The following MOSMO variants were observed in gnomAD, a reference collection of about 807,000 sequenced individuals.
MOSMO encodes the protein modulator of smoothened protein.
MOSMO carries 5 observed loss-of-function variants against 18.4 expected under a neutral mutation model. That is an observed-to-expected ratio of 0.27 (90% CI 0.14 to 0.57). The LOEUF is 0.57. Among genes scored for constraint, MOSMO ranks in the 20% least tolerant of loss-of-function variants. The probability of loss-of-function intolerance (pLI) is 0.92; values close to 1 mark genes in which losing one functional copy is unlikely to be tolerated. For missense variants in MOSMO, 138 were observed against 211.8 expected (o/e 0.65, Z 2.16); for synonymous variants, 82 against 82.3 (o/e 1.00, Z 0.02).
chr16:22,078,082 A>G (rs940406069), intron 2 of MOSMO, among the ~76,000 whole-genome samples: 3 of 152,072 alleles, frequency 2.0e-5, no homozygotes, highest in African/African-American at 4.8e-5. Flanking sequence ...TATGGGGGCA[A>G]GAGAAACCAA....
intron 1 of MOSMO, among the ~76,000 whole-genome samples, chr16:22,030,503 A>C (rs1338795577): frequency 6.6e-6 from 1 of 152,136 alleles, no homozygotes; most frequent in Non-Finnish European, 1.5e-5. Context: ...TCACAATTAA[A>C]TATTTCCAGC....
chr16:22,008,745 TAAA>T (rs71151659), intron 1 of MOSMO, among the ~76,000 whole-genome samples: 125 of 132,130 alleles, frequency 9.5e-4, no homozygotes, highest in South Asian at 1.7e-3. Context: ...CGTTCTGGAT[TAAA>T]AAAAAAAAAA....
intron 1 of MOSMO, among the ~76,000 whole-genome samples, chr16:22,047,933 T>A (rs1179724992): frequency 6.6e-6 from 1 of 152,150 alleles, no homozygotes; most frequent in African/African-American, 2.4e-5. Flanking sequence ...GTACTACCAG[T>A]TGGTTAGAAA....
At chr16:22,047,628 T>C (rs1047289849) in intron 1 of MOSMO, among the ~76,000 whole-genome samples, 2 of 152,216 alleles carry the variant, frequency 1.3e-5, no homozygotes, top group African/African-American at 4.8e-5. Flanking sequence ...AACATCTTTG[T>C]ACCTGTTTCT....
intron 2 of MOSMO, chr16:22,075,944 AG>A: frequency 2.5e-6 from 1 of 393,918 alleles, no homozygotes; most frequent in Non-Finnish European, 4.8e-6. Flanking sequence ...ATTTTTGCTC[AG>A]ATTGTGACAT....
rs946703514 is a variant in MOSMO, at chr16:22,073,555, T to TG, written c.107-1932_107-1931insG. Among the ~76,000 whole-genome samples, 9 of 151,920 alleles carry TG rather than the reference T, an allele frequency of 5.9e-5. 1 individual carries two copies. The highest frequency in any genetic ancestry group is 8.8e-5 in the Non-Finnish European group (6 of 67,990). On this transcript the variant is annotated intron_variant, in intron 1 of 2. Transcript: ENST00000542527. ...AAGACACTCCCTCAAGTTTTTTTTT[T>TG]TTTGTTTTCAAGGAGACTTTTTAGT...
At chr16:22,009,836 A>AAAAAAAG (rs1899485456) in intron 1 of MOSMO, among the ~76,000 whole-genome samples, 2 of 121,342 alleles carry the variant, frequency 1.6e-5, no homozygotes, top group South Asian at 2.9e-4. Flanking sequence ...AAAAAAAAAA[A>AAAAAAAG]AGAGAATTAG....
intron 1 of MOSMO, among the ~76,000 whole-genome samples, chr16:22,050,032 G>A (rs966723063): frequency 6.6e-6 from 1 of 152,174 alleles, no homozygotes; most frequent in Admixed American, 6.5e-5. Context: ...CTCTGTGGAA[G>A]TATCATTTCA....
At chr16:22,050,889 A>G (rs1227279490) in intron 1 of MOSMO, among the ~76,000 whole-genome samples, 1 of 142,166 alleles carries the variant, frequency 7.0e-6, no homozygotes, top group Non-Finnish European at 1.6e-5. Context: ...TCTCTTAAGA[A>G]AAAAAAAAAA....
At chr16:22,025,968 C>T (rs1433447173) in intron 1 of MOSMO, among the ~76,000 whole-genome samples, 1 of 152,118 alleles carries the variant, frequency 6.6e-6, no homozygotes, top group East Asian at 1.9e-4. Context: ...ATTTGAACCC[C>T]CTTTTTTCAA....
chr16:22,028,336 C>A (rs1899919124), intron 1 of MOSMO, among the ~76,000 whole-genome samples: 1 of 149,922 alleles, frequency 6.7e-6, no homozygotes, highest in Non-Finnish European at 1.5e-5. Context: ...GCTACTGGAC[C>A]CTGGAATTTG....
chr16:22,036,005 A>T (rs1900100778), intron 1 of MOSMO, among the ~76,000 whole-genome samples: 1 of 152,168 alleles, frequency 6.6e-6, no homozygotes, highest in Non-Finnish European at 1.5e-5. Flanking sequence ...TAAGCTTATT[A>T]GTTCTAATAA....
chr16:22,076,409 C>T (rs1900968862), intron 2 of MOSMO: 1 of 152,164 alleles, frequency 6.6e-6, no homozygotes, highest in African/African-American at 2.4e-5. Context: ...TATCTGAAAA[C>T]ATTTTTGGTA....
chr16:22,092,604 G>A, the MOSMO span: 2 of 1,549,816 alleles, frequency 1.3e-6, no homozygotes, highest in South Asian at 2.4e-5. Context: ...GCCCTGGAGT[G>A]CCAGGAGCCC....
At chr16:22,017,678 G>C (rs1239576191) in intron 1 of MOSMO, among the ~76,000 whole-genome samples, 1 of 152,014 alleles carries the variant, frequency 6.6e-6, no homozygotes, top group African/African-American at 2.4e-5. Flanking sequence ...TGAATATCAG[G>C]ATACCTAAAA....
At position 22,081,780 on chromosome 16, in the gene MOSMO, T is replaced by C. The variant is rs1316182712; in HGVS notation, c.*900T>C. ...AGCCATTTATCTGAAGGCTGCATAGTGGAGAGAGTCTTCAGTTTACCTCAT... is the reference window on the plus strand; with the variant it reads ...AGCCATTTATCTGAAGGCTGCATAGCGGAGAGAGTCTTCAGTTTACCTCAT... On this transcript the variant is annotated 3_prime_UTR_variant, in exon 3 of 3. Transcript: ENST00000542527. 1 of 152,040 alleles carries C rather than the reference T, an allele frequency of 6.6e-6. No individual in the cohort carries two copies. The highest frequency in any genetic ancestry group is 1.5e-5 in the Non-Finnish European group (1 of 68,018). The allele number at this position is 152,040 out of a possible 1,614,324, so 9.4% of individuals were successfully genotyped here.
At chr16:22,043,359 G>A (rs535703675) in intron 1 of MOSMO, among the ~76,000 whole-genome samples, 3 of 152,132 alleles carry the variant, frequency 2.0e-5, no homozygotes, top group East Asian at 3.9e-4. Context: ...TTCCATTTCT[G>A]ACATAACTAT....
At chr16:22,085,012 A>G (rs971454020), downstream of MOSMO, 4 of 152,214 alleles carry the variant, frequency 2.6e-5, no homozygotes, top group African/African-American at 7.2e-5. Context: ...CCTTGCACAT[A>G]GACCCAAGTC....
At chr16:22,058,026 T>C (rs1049796916) in intron 1 of MOSMO, among the ~76,000 whole-genome samples, 4 of 152,146 alleles carry the variant, frequency 2.6e-5, no homozygotes, top group African/African-American at 9.7e-5. Flanking sequence ...GTTCAGGTAA[T>C]ACAGGACCTG....
Sources: gnomAD v4.1 joint callset for allele counts (sites outside exome capture counted in the v4.1 genomes callset) on GRCh38, gnomAD v4.1.1 for gene constraint, MANE v1.5 for transcripts, NCBI Gene and HGNC (gene_info 2026-07-23, HGNC 2026-07-21) for gene names.